The following NFIA variants were observed in gnomAD, a reference collection of about 807,000 sequenced individuals.
NFIA encodes nuclear factor I A.
A neutral mutation model predicts 62.8 loss-of-function variants in NFIA; 8 were observed. The ratio of observed to expected loss-of-function variants is 0.13; its 90% CI spans 0.07 to 0.23. NFIA has a LOEUF of 0.23. Ranked by LOEUF, NFIA falls within the 10% of genes least tolerant of loss-of-function variation. NFIA has a pLI of 1.00. For missense variants in NFIA, 410 were observed against 642.1 expected, an observed-to-expected ratio of 0.64 and a Z score of 3.91; for synonymous variants, 235 against 238.1, an observed-to-expected ratio of 0.99 and a Z score of 0.12.
chr1:61,203,380 A>C (rs983515079), intron 2 of NFIA, among the ~76,000 whole-genome samples: 1 of 152,182 alleles, frequency 6.6e-6, no homozygotes, highest in African/African-American at 2.4e-5. Context: ...TTAAAGCACG[A>C]GTTCCACGGG....
Position 61,141,949 on chromosome 1 carries a change from A to G in NFIA, c.559+53269A>G, listed in dbSNP as rs150592715. 3.3e-3 allele frequency among the ~76,000 whole-genome samples: 505 copies of G among 152,306 alleles called. 4 individuals are homozygous for G. The highest frequency in any genetic ancestry group is 6.8e-3 in the Middle Eastern group (2 of 294). ...ATGGTGAGGTGTTTGCGGCCATTCT[A>G]CTTACAGGAACAGAATGGCGGATCT... On this transcript the variant is annotated intron_variant, in intron 2 of 10. Coordinates refer to ENST00000403491, the MANE Select transcript of NFIA (RefSeq NM_001134673.4).
chr1:61,238,377 G>A (rs772842316), intron 2 of NFIA, among the ~76,000 whole-genome samples: 4 of 152,132 alleles, frequency 2.6e-5, no homozygotes, highest in Non-Finnish European at 4.4e-5. Flanking sequence ...TTGTTGAGTC[G>A]AGCATAATTT....
intron 1 of NFIA, among the ~76,000 whole-genome samples, chr1:61,083,222 C>T (rs1646149773): frequency 6.6e-6 from 1 of 152,032 alleles, no homozygotes; most frequent in South Asian, 2.1e-4. Flanking sequence ...CTGCCGGGAG[C>T]AGGGATTCCG....
intron 2 of NFIA, among the ~76,000 whole-genome samples, chr1:61,255,398 A>G (rs1004634103): frequency 6.6e-6 from 1 of 152,260 alleles, no homozygotes; most frequent in African/African-American, 2.4e-5. Context: ...ATGAGAAATT[A>G]TCAAGTACAG....
intron 2 of NFIA, among the ~76,000 whole-genome samples, chr1:61,107,577 T>C (rs1646626221): frequency 6.6e-6 from 1 of 151,704 alleles, no homozygotes; most frequent in Non-Finnish European, 1.5e-5. Flanking sequence ...ATTCTAATTT[T>C]TGGCCAGTGT....
At chr1:61,086,343 CT>C (rs1322685087) in intron 1 of NFIA, among the ~76,000 whole-genome samples, 1 of 152,088 alleles carries the variant, frequency 6.6e-6, no homozygotes, top group African/African-American at 2.4e-5. Context: ...TGGCGTATAC[CT>C]TTGCAGATAA....
chr1:61,082,567 A>G lies in NFIA; in HGVS notation c.-225A>G. 4.1e-6 allele frequency: 6 copies of G among 1,458,906 alleles called. No homozygotes were observed. Among genetic ancestry groups the G allele is most frequent in the African/African-American group, 1.4e-5 (1 of 69,208 alleles). The allele number at this position is 1,458,906 out of a possible 1,614,324, so 90.4% of individuals were successfully genotyped here. The stretch of plus-strand genomic sequence containing the variant: ...GTGTAGGGAAACTCTAGGCGGGGTT[A>G]AAGTTCAGCTCATGGAGCGGCAATA... On this transcript the variant is annotated 5_prime_UTR_variant, in exon 1 of 11. Transcript: ENST00000403491.
intron 6 of NFIA, among the ~76,000 whole-genome samples, chr1:61,379,099 C>A (rs4397679): frequency 6.6e-6 from 1 of 152,170 alleles, no homozygotes; most frequent in East Asian, 1.9e-4. Context: ...ATCACCTTTG[C>A]GGTATAATAT....
intron 3 of NFIA, among the ~76,000 whole-genome samples, chr1:61,300,994 TTGATTC>T (rs1426244232): frequency 2.0e-5 from 3 of 152,120 alleles, no homozygotes; most frequent in Non-Finnish European, 4.4e-5. Context: ...AGATATAAGT[TTGATTC>T]TGAGTTTCCT....
In NFIA at chr1:61,287,233, G is replaced by A. The variant is rs567789465; in HGVS notation, c.625+9648G>A. Among the ~76,000 whole-genome samples the A allele has an allele frequency of 2.0e-5, 3 of 152,290 alleles. No individual in the cohort carries two copies. In the South Asian group the frequency reaches 6.2e-4, roughly 32 times the overall value. On this transcript the variant is annotated intron_variant, in intron 3 of 10. Transcript: ENST00000403491. ...AGTTTAGTGTGGAGTTGTACACAAA[G>A]ACCTCATTCATAGCATTGTTAAGGA...
chr1:61,374,904 C>T (rs1664074616), intron 6 of NFIA, among the ~76,000 whole-genome samples: 1 of 152,138 alleles, frequency 6.6e-6, no homozygotes, highest in Non-Finnish European at 1.5e-5. Context: ...ACCTTTTTAT[C>T]GTTGAGTGTG....
intron 2 of NFIA, among the ~76,000 whole-genome samples, chr1:61,141,942 C>T (rs1434993249): frequency 1.3e-5 from 2 of 152,156 alleles, no homozygotes; most frequent in Non-Finnish European, 2.9e-5. Context: ...GTGTTTGCGG[C>T]CATTCTACTT....
intron 2 of NFIA, among the ~76,000 whole-genome samples, chr1:61,228,221 G>A (rs1654452353): frequency 6.6e-6 from 1 of 152,166 alleles, no homozygotes; most frequent in South Asian, 2.1e-4. Context: ...CTGTATGTAA[G>A]TGTGTTTTGA....
rs1466980518 is a variant in NFIA, at chr1:61,434,014, C to T, written c.1512+7458C>T. On this transcript the variant is annotated intron_variant, in intron 10 of 10. Coordinates refer to ENST00000403491, the MANE Select transcript of NFIA (RefSeq NM_001134673.4). ...AAAATCCTAACCCTGTAGGTTGTTC[C>T]ACTGAGCATCAACCTTACAGGTGCC... 2.0e-5 allele frequency among the ~76,000 whole-genome samples: 3 copies of T among 152,176 alleles called. 1 individual carries two copies. Among genetic ancestry groups the T allele is most frequent in the Non-Finnish European group, 2.9e-5 (2 of 68,024 alleles).
intron 3 of NFIA, among the ~76,000 whole-genome samples, chr1:61,299,430 T>A (rs1329860927): frequency 6.6e-6 from 1 of 152,200 alleles, no homozygotes; most frequent in Non-Finnish European, 1.5e-5. Context: ...TTTTTCTTTT[T>A]AATTTAATCT....
At chr1:61,302,722 C>T (rs1659556328) in intron 3 of NFIA, among the ~76,000 whole-genome samples, 1 of 152,162 alleles carries the variant, frequency 6.6e-6, no homozygotes, top group Non-Finnish European at 1.5e-5. Flanking sequence ...TGTTCCCAAA[C>T]ATTTTATTGC....
chr1:61,156,866 C>T (rs1648852804), intron 2 of NFIA, among the ~76,000 whole-genome samples: 1 of 152,222 alleles, frequency 6.6e-6, no homozygotes, highest in Admixed American at 6.5e-5. Context: ...TATAATAGGG[C>T]ATGGCAACTC....
chr1:61,166,864 G>T (rs555635838), intron 2 of NFIA, among the ~76,000 whole-genome samples: 1 of 152,170 alleles, frequency 6.6e-6, no homozygotes, highest in Non-Finnish European at 1.5e-5. Context: ...CCTTCTGGCC[G>T]GGCGCAGTGG....
chr1:61,276,585 C>T (rs181625179), intron 2 of NFIA, among the ~76,000 whole-genome samples: 4 of 152,196 alleles, frequency 2.6e-5, no homozygotes, highest in East Asian at 1.9e-4. Context: ...TCTCAGAAAA[C>T]GCTTTATTTT....
Sources: gnomAD v4.1 joint callset for allele counts (sites outside exome capture counted in the v4.1 genomes callset) on GRCh38, gnomAD v4.1.1 for gene constraint, MANE v1.5 for transcripts, NCBI Gene and HGNC (gene_info 2026-07-23, HGNC 2026-07-21) for gene names.